GABBR1: variants seen among roughly 807,000 people sequenced by gnomAD.
The protein encoded by GABBR1 is gamma-aminobutyric acid type B receptor subunit 1, also known as GABA-B receptor, R1 subunit.
A neutral mutation model predicts 117.7 loss-of-function variants in GABBR1; 35 were observed. The observed-to-expected ratio is 0.30, with a 90% CI of 0.23 to 0.39. GABBR1 has a LOEUF of 0.39. Ranked by LOEUF, GABBR1 falls within the 10% of genes least tolerant of loss-of-function variation. The pLI is 1.00. For missense variants in GABBR1, 709 were observed against 1,241.8 expected (o/e 0.57, Z 6.45); for synonymous variants, 442 against 486.6 (o/e 0.91, Z 1.21).
rs762964120 is a variant in GABBR1 at position 29,607,057 on chromosome 6, C to T, written c.2109+45G>A. The T allele has an allele frequency of 2.0e-4, 320 of 1,609,628 alleles. 2 individuals carry two copies. The highest frequency in any genetic ancestry group is 1.2e-5 in the Non-Finnish European group (14 of 1,175,972). ...ACGTCAGGGGAAAATGCTCTGTGCC[C>T]CAGGAGCCAAGGATCTGGGGGCTGA... On this transcript the variant is annotated intron_variant, in intron 17 of 22. Coordinates refer to ENST00000377034, the MANE Select transcript of GABBR1 (RefSeq NM_001470.4). This position sits in a 1 kb window ranked among gnomAD's most constrained non-coding sequence, Gnocchi z 5.0.
chr6:29,603,591 G>A lies in GABBR1; in HGVS notation c.2838C>T (p.Pro946=), dbSNP rs1445845110. The A allele has an allele frequency of 2.5e-6, 4 of 1,586,594 alleles. No homozygotes were observed. The highest frequency in any genetic ancestry group is 3.4e-6 in the Non-Finnish European group (4 of 1,168,126). The change falls in exon 23 of 23, where the codon CCC becomes CCT. Residue 946 remains proline, a synonymous_variant. Transcript: ENST00000377034. ...GACTCCCATCACAGCTAAGCCGGTC[G>A]GGGGGCTCAGGGGGTCCCCTGGGCA... is the stretch of plus-strand genomic sequence containing the variant. The part of the protein sequence containing the change: ...GGLPRGPPEP[P]DRLSCDGSRV...
In GABBR1 at chr6:29,630,275, C is replaced by T. The variant is rs1009396228; in HGVS notation, c.475+183G>A. On this transcript the variant is annotated intron_variant, in intron 4 of 22. Transcript: ENST00000377034. The surrounding 1 kb of genome is among the most constrained non-coding windows in gnomAD (Gnocchi z 4.9). The stretch of plus-strand genomic sequence containing the variant: ...GAAGCCCCCAACCTACAGAGGATAC[C>T]GGGGACTGCAAGAGGAAGTTTGAGG... 4 of 570,326 alleles carry T rather than the reference C, an allele frequency of 7.0e-6. No individual in the cohort carries two copies. Among genetic ancestry groups the T allele is most frequent in the Admixed American group, 5.9e-5 (2 of 33,680 alleles). The allele number at this position is 570,326 out of a possible 1,614,324, so 35.3% of individuals were successfully genotyped here.
chr6:29,605,408 G>A lies in GABBR1; in HGVS notation c.2439+161C>T. Reference sequence around the variant, plus strand: ...ATTAATGATACAATGTCTGTAGTGAGCTTTGTAAACTGTAAAGTGCTTTAT... The same window carrying A: ...ATTAATGATACAATGTCTGTAGTGAACTTTGTAAACTGTAAAGTGCTTTAT... On this transcript the variant is annotated intron_variant, in intron 20 of 22. Coordinates refer to ENST00000377034, the MANE Select transcript of GABBR1 (RefSeq NM_001470.4). The surrounding 1 kb of genome is among the most constrained non-coding windows in gnomAD (Gnocchi z 4.2). The A allele has an allele frequency of 1.3e-6, 1 of 797,244 alleles. No homozygotes were observed. Among genetic ancestry groups the A allele is most frequent in the Non-Finnish European group, 2.0e-6 (1 of 494,874 alleles). 49.4% of individuals were successfully genotyped at this position (797,244 alleles called of 1,614,324 possible). A position where few individuals can be genotyped will look rare whatever the true frequency, so the allele number is the denominator to read the frequency against.
chr6:29,613,540 AG>A lies in GABBR1; in HGVS notation c.1324-56del, dbSNP rs1562094818. 2 of 1,581,710 alleles carry A rather than the reference AG, an allele frequency of 1.3e-6. No individual in the cohort carries two copies. Among genetic ancestry groups the A allele is most frequent in the Non-Finnish European group, 1.7e-6 (2 of 1,160,906 alleles). The stretch of plus-strand genomic sequence containing the variant: ...CTGAAATGTGTGTGGGTGTGGGGGA[AG>A]GGGTGCAATCCAATTCTGACTCAAT... On this transcript the variant is annotated intron_variant, in intron 11 of 22. Transcript: ENST00000377034. This position sits in a 1 kb window ranked among gnomAD's most constrained non-coding sequence, Gnocchi z 4.1.
At position 29,602,726 on chromosome 6, in the gene GABBR1, T is replaced by C. The variant is rs3025641; in HGVS notation, c.*817A>G. 1.5e-5 allele frequency: 5 copies of C among 339,102 alleles called. No homozygotes were observed. Among genetic ancestry groups the C allele is most frequent in the Non-Finnish European group, 2.3e-5 (4 of 174,038 alleles). The allele number at this position is 339,102 out of a possible 1,614,324, so 21.0% of individuals were successfully genotyped here. A position where few individuals can be genotyped will look rare whatever the true frequency, so the allele number is the denominator to read the frequency against. On this transcript the variant is annotated 3_prime_UTR_variant, in exon 23 of 23. Transcript: ENST00000377034. ...CACAGGGAAAGTACATGGATAAACA[T>C]GGACGTGTGCAAATAGGAAAGACAT... is the stretch of plus-strand genomic sequence containing the variant.
At chr6:29,610,880 C>A in intron 14 of GABBR1, 44 bp downstream of exon 14, 1 of 1,526,480 alleles carries the variant, frequency 6.6e-7, no homozygotes, top group South Asian at 1.1e-5. Context: ...TTTCCCTTGA[C>A]TGTCGAGAGG....
Position 29,602,513 on chromosome 6 carries a change from G to T in GABBR1, c.*1030C>A. ...TGAGTGTAGACTGAGGGTAGTACAT[G>T]AATGCAATGGAGATGGGGGGAATCT... On this transcript the variant is annotated 3_prime_UTR_variant, in exon 23 of 23. Coordinates refer to ENST00000377034, the MANE Select transcript of GABBR1 (RefSeq NM_001470.4). The T allele has an allele frequency of 6.1e-5, 10 of 164,832 alleles. No homozygotes were observed. The highest frequency in any genetic ancestry group is 3.0e-4 in the South Asian group (2 of 6,574). 10.2% of individuals were successfully genotyped at this position (164,832 alleles called of 1,614,324 possible).
At chr6:29,608,182 C>A (rs186832173) in intron 16 of GABBR1, among the ~76,000 whole-genome samples, 38 of 152,292 alleles carry the variant, frequency 2.5e-4, no homozygotes, top group Admixed American at 2.4e-3. Context: ...TCCCTTCCCC[C>A]CAACTCTCTG....
Position 29,611,780 on chromosome 6 carries a change from A to G in GABBR1, c.1630+771T>C, listed in dbSNP as rs1000773907. On this transcript the variant is annotated intron_variant, in intron 13 of 22. Coordinates refer to ENST00000377034, the MANE Select transcript of GABBR1 (RefSeq NM_001470.4). This position sits in a 1 kb window ranked among gnomAD's most constrained non-coding sequence, Gnocchi z 4.6. ...TACCTGTGTGCTAAGTTTCAAGAAA[A>G]TACAATCTACAAAAGCCAAGCTATA... Among the ~76,000 whole-genome samples the G allele has an allele frequency of 6.6e-6, 1 of 152,200 alleles. No homozygotes were observed. The highest frequency in any genetic ancestry group is 1.5e-5 in the Non-Finnish European group (1 of 68,032).
At chr6:29,624,544 G>A (rs907583974) in intron 6 of GABBR1, among the ~76,000 whole-genome samples, 4 of 152,036 alleles carry the variant, frequency 2.6e-5, no homozygotes, top group African/African-American at 9.7e-5. Flanking sequence ...GATAAGTAAA[G>A]AGAGAACAGG....
In GABBR1 at chr6:29,613,588, T is replaced by C. The variant is rs1224938018; in HGVS notation, c.1324-103A>G. 1 of 1,383,606 alleles carries C rather than the reference T, an allele frequency of 7.2e-7. No individual in the cohort carries two copies. The highest frequency in any genetic ancestry group is 9.9e-7 in the Non-Finnish European group (1 of 1,005,772). 85.7% of individuals were successfully genotyped at this position (1,383,606 alleles called of 1,614,324 possible). ...CAATCACTTCTACTTGAATGGATGG[T>C]TTGTGTTACTGTTGTCAGATTGGAC... On this transcript the variant is annotated intron_variant, in intron 11 of 22. Transcript: ENST00000377034. The surrounding 1 kb of genome is among the most constrained non-coding windows in gnomAD (Gnocchi z 4.1).
In GABBR1 at chr6:29,621,702, C is replaced by T. The variant is rs1167470369; in HGVS notation, c.1131+50G>A. 1.7e-5 allele frequency: 27 copies of T among 1,547,734 alleles called. No individual in the cohort carries two copies. The highest frequency in any genetic ancestry group is 2.4e-5 in the Non-Finnish European group (27 of 1,120,132). On this transcript the variant is annotated intron_variant, in intron 10 of 22. Coordinates refer to ENST00000377034, the MANE Select transcript of GABBR1 (RefSeq NM_001470.4). The surrounding 1 kb of genome is among the most constrained non-coding windows in gnomAD (Gnocchi z 5.0). Reference sequence around the variant, plus strand: ...GCCAAGAGGAGGCCCCACAAGAAAACCAAGGGAAACTCCCACCCAGTGCCC... The same window carrying T: ...GCCAAGAGGAGGCCCCACAAGAAAATCAAGGGAAACTCCCACCCAGTGCCC...
At chr6:29,628,238 G>T in intron 5 of GABBR1, 1 of 952,712 alleles carries the variant, frequency 1.0e-6, no homozygotes, top group Non-Finnish European at 1.2e-6. Flanking sequence ...GAAAGAGGAA[G>T]GGAGGGATCT....
intron 5 of GABBR1, chr6:29,628,182 G>C: frequency 1.3e-6 from 1 of 789,612 alleles, no homozygotes; most frequent in Non-Finnish European, 1.5e-6. Context: ...GACAGTCGGA[G>C]GGGCGGGGAG....
intron 11 of GABBR1, among the ~76,000 whole-genome samples, chr6:29,615,270 C>T (rs28749523): frequency 0.043 from 6,195 of 143,478 alleles, 159 homozygotes; most frequent in Middle Eastern, 0.16. Flanking sequence ...CCAGCCTGGG[C>T]GACAGAGCAA....
Position 29,617,161 on chromosome 6 carries a change from A to G in GABBR1, c.1324-3676T>C, listed in dbSNP as rs564335841. Among the ~76,000 whole-genome samples the G allele has an allele frequency of 5.9e-5, 9 of 152,242 alleles. No homozygotes were observed. In the East Asian group the frequency reaches 1.7e-3, roughly 29 times the overall value. ...AGTATGAAATGAAATTAGAACATGT[A>G]TAAAAATGCTGGGTATGAAGTAAGT... On this transcript the variant is annotated intron_variant, in intron 11 of 22. Coordinates refer to ENST00000377034, the MANE Select transcript of GABBR1 (RefSeq NM_001470.4).
chr6:29,619,095 G>T (rs961315280), intron 11 of GABBR1, among the ~76,000 whole-genome samples: 1 of 152,218 alleles, frequency 6.6e-6, no homozygotes, highest in African/African-American at 2.4e-5. Context: ...AGAATTTCCA[G>T]GGGAAGGGCC....
At position 29,623,577 on chromosome 6, in the gene GABBR1, CCTTA is replaced by C; in HGVS notation, c.793-106_793-103del. On this transcript the variant is annotated intron_variant, in intron 7 of 22. Coordinates refer to ENST00000377034, the MANE Select transcript of GABBR1 (RefSeq NM_001470.4). This position sits in a 1 kb window ranked among gnomAD's most constrained non-coding sequence, Gnocchi z 6.2. ...CTCTTCCTGCCTTTGGGTTTCTCTT[CCTTA>C]CTCTCTCCAAACCTCCCCACCTCTG... is the stretch of plus-strand genomic sequence containing the variant. 1 of 1,211,924 alleles carries C rather than the reference CCTTA, an allele frequency of 8.3e-7. No individual in the cohort carries two copies. Among genetic ancestry groups the C allele is most frequent in the Non-Finnish European group, 1.2e-6 (1 of 864,586 alleles). 75.1% of individuals were successfully genotyped at this position (1,211,924 alleles called of 1,614,324 possible).
At chr6:29,618,976 T>G (rs1417099439) in intron 11 of GABBR1, among the ~76,000 whole-genome samples, 1 of 152,108 alleles carries the variant, frequency 6.6e-6, no homozygotes, top group African/African-American at 2.4e-5. Context: ...TGAAAACCAC[T>G]ACCCTAACTA....
Sources: gnomAD v4.1 joint callset for allele counts (sites outside exome capture counted in the v4.1 genomes callset) on GRCh38, gnomAD v4.1.1 for gene constraint, Gnocchi (gnomAD v3.1) non-coding constraint, MANE v1.5 for transcripts, NCBI Gene and HGNC (gene_info 2026-07-23, HGNC 2026-07-21) for gene names.